Variants in EPHA4 observed in about 807,000 individuals in gnomAD.
EPHA4 encodes the protein EPH receptor A4.
EPHA4 carries 19 observed loss-of-function variants against 108.3 expected under a neutral mutation model. The observed-to-expected ratio is 0.18, with a 90% CI of 0.12 to 0.26. The LOEUF (loss-of-function observed/expected upper bound fraction) is 0.26, where lower values mean the gene tolerates loss of function less well. Among genes scored for constraint, EPHA4 ranks in the 10% least tolerant of loss-of-function variants. EPHA4 has a pLI of 1.00. For missense variants in EPHA4, 917 were observed against 1,254.0 expected (o/e 0.73, Z 4.06); for synonymous variants, 449 against 455.5 (o/e 0.99, Z 0.18).
In EPHA4 at chr2:221,571,326, C is replaced by CCCG. The variant is rs1264056450; in HGVS notation, c.91+829_91+831dup. Among the ~76,000 whole-genome samples the CCCG allele has an allele frequency of 1.3e-5, 2 of 151,806 alleles. No individual in the cohort carries two copies. Among genetic ancestry groups the CCCG allele is most frequent in the Non-Finnish European group, 2.9e-5 (2 of 67,962 alleles). On this transcript the variant is annotated intron_variant, in intron 1 of 17. Coordinates refer to ENST00000281821, the MANE Select transcript of EPHA4 (RefSeq NM_004438.5). The surrounding 1 kb of genome is among the most constrained non-coding windows in gnomAD (Gnocchi z 6.3). ...AACTAAATGATCACCGCCCCCCCGCCCCGCCCCACCTCCCGACACAGACAC... is the reference window on the plus strand; with the variant it reads ...AACTAAATGATCACCGCCCCCCCGCCCCGCCGCCCCACCTCCCGACACAGACAC...
At chr2:221,429,860 G>T (rs1690018992) in intron 15 of EPHA4, 98 bp downstream of exon 15, 4 of 1,333,724 alleles carry the variant, frequency 3.0e-6, no homozygotes, top group Admixed American at 2.0e-5. Flanking sequence ...GCCATGAAGT[G>T]GCCTCTGATG....
intron 3 of EPHA4, chr2:221,533,121 A>C (rs551704943): frequency 2.7e-4 from 41 of 152,348 alleles, no homozygotes; most frequent in African/African-American, 7.7e-4. Flanking sequence ...ATTGCCAGTT[A>C]CATTTCATCT....
At chr2:221,569,212 A>T (rs752273878) in intron 1 of EPHA4, among the ~76,000 whole-genome samples, 1 of 152,232 alleles carries the variant, frequency 6.6e-6, no homozygotes. Flanking sequence ...TGACAGAGCC[A>T]CAAGTGAATT....
intron 11 of EPHA4, among the ~76,000 whole-genome samples, chr2:221,438,025 C>G (rs944390401): frequency 6.6e-6 from 1 of 152,158 alleles, no homozygotes; most frequent in Non-Finnish European, 1.5e-5. Flanking sequence ...TATGAATAAA[C>G]TTGCTTTGGT....
At chr2:221,491,580 G>A (rs933125801) in intron 4 of EPHA4, among the ~76,000 whole-genome samples, 7 of 152,070 alleles carry the variant, frequency 4.6e-5, no homozygotes, top group Admixed American at 4.6e-4. Flanking sequence ...TGGATAGAAA[G>A]TTTCCAACTT....
At chr2:221,523,956 A>G (rs1465920995) in intron 3 of EPHA4, among the ~76,000 whole-genome samples, 1 of 152,182 alleles carries the variant, frequency 6.6e-6, no homozygotes, top group East Asian at 1.9e-4. Flanking sequence ...CTTTTGTTAA[A>G]TTGATGGAAA....
chr2:221,420,638 T>C (rs1330411430), intron 17 of EPHA4, 86 bp from the exon 18 acceptor site: 2 of 152,192 alleles, frequency 1.3e-5, no homozygotes, highest in Non-Finnish European at 2.9e-5. Flanking sequence ...AAAGAATATA[T>C]AGGTTCGTAG....
chr2:221,446,589 C>T (rs187972975), intron 8 of EPHA4, among the ~76,000 whole-genome samples: 2 of 152,012 alleles, frequency 1.3e-5, no homozygotes, highest in East Asian at 1.9e-4. Context: ...AATTAAATTT[C>T]CATGAGTAAT....
intron 5 of EPHA4, among the ~76,000 whole-genome samples, chr2:221,466,094 G>A (rs1426185802): frequency 6.6e-6 from 1 of 152,204 alleles, no homozygotes; most frequent in East Asian, 1.9e-4. Flanking sequence ...AGTGACAGAG[G>A]CCGCGTGGCT....
rs1183029391 is a variant in EPHA4, at chr2:221,566,998, A to AAGAAGAAGAAGAAGAAGAAGAAGAAGG, written c.159+1719_159+1720insCCTTCTTCTTCTTCTTCTTCTTCTTCT. The stretch of plus-strand genomic sequence containing the variant: ...GAAGAAGAAGAAGAAGAAGAAGAAG[A>AAGAAGAAGAAGAAGAAGAAGAAGAAGG]AGAAGAAGAAGAAAAAAATGTCTGC... On this transcript the variant is annotated intron_variant, in intron 2 of 17. Coordinates refer to ENST00000281821, the MANE Select transcript of EPHA4 (RefSeq NM_004438.5). Among the ~76,000 whole-genome samples, 155 of 140,436 alleles carry AAGAAGAAGAAGAAGAAGAAGAAGAAGG rather than the reference A, an allele frequency of 1.1e-3. 11 individuals are homozygous for AAGAAGAAGAAGAAGAAGAAGAAGAAGG. Among genetic ancestry groups the AAGAAGAAGAAGAAGAAGAAGAAGAAGG allele is most frequent in the Non-Finnish European group, 2.0e-3 (131 of 63,994 alleles). The allele number at this position is 140,436 out of a possible 152,430, so 92.1% of individuals were successfully genotyped here.
In EPHA4 at chr2:221,457,979, T is replaced by C; in HGVS notation, c.1330A>G (p.Ile444Val). The C allele has an allele frequency of 6.2e-7, 1 of 1,611,918 alleles. No individual in the cohort carries two copies. ...ACTTCTTTAGCCTGGACCAAAGCAA[T>C]GGATGATGGTGCTGTTAGAAAAAAA... ...VTTNQAAPSS[I>V]ALVQAKEVTR... Residue 444 changes from isoleucine (I) to valine (V), a missense_variant, in exon 6 of 18, where the codon ATT becomes GTT. Ile to Val is a conservative substitution (Grantham distance 29, BLOSUM62 3). Around this residue, in one of 3 missense-constraint regions of EPHA4, gnomAD observed 758 missense variants for 1,076.7 expected, o/e 0.70. Transcript: ENST00000281821.
rs1213576614 is a variant in EPHA4, at chr2:221,530,322, C to A, written c.824-29150G>T. On this transcript the variant is annotated intron_variant, in intron 3 of 17. Coordinates refer to ENST00000281821, the MANE Select transcript of EPHA4 (RefSeq NM_004438.5). Reference sequence around the variant, plus strand: ...ATTAAGGCAAAGAGACTGACTCATGCCACAGAACAGGAAGAGAAAGGATGT... The same window carrying A: ...ATTAAGGCAAAGAGACTGACTCATGACACAGAACAGGAAGAGAAAGGATGT... Among the ~76,000 whole-genome samples, 6 of 152,170 alleles carry A rather than the reference C, an allele frequency of 3.9e-5. No homozygotes were observed. The East Asian group carries it at 1.2e-3, about 29-fold the overall frequency.
chr2:221,481,113 G>A (rs753211032), intron 5 of EPHA4, among the ~76,000 whole-genome samples: 13 of 152,138 alleles, frequency 8.5e-5, no homozygotes, highest in Admixed American at 6.5e-5. Context: ...AAAACTCCTG[G>A]AGGGGTGGTA....
In EPHA4 at chr2:221,566,950, G is replaced by GAAGA. The variant is rs1694677712; in HGVS notation, c.159+1767_159+1768insTCTT. On this transcript the variant is annotated intron_variant, in intron 2 of 17. Coordinates refer to ENST00000281821, the MANE Select transcript of EPHA4 (RefSeq NM_004438.5). ...GGAGAAGGAGAAGGAGAAGGAGAAG[G>GAAGA]AGAAGGGGAAGAGGAAGAGGAAGAA... 9.8e-4 allele frequency among the ~76,000 whole-genome samples: 7 copies of GAAGA among 7,108 alleles called. 2 individuals are homozygous for GAAGA. Among genetic ancestry groups the GAAGA allele is most frequent in the Non-Finnish European group, 2.2e-3 (7 of 3,150 alleles). The allele number at this position is 7,108 out of a possible 152,430, so 4.7% of individuals were successfully genotyped here.
At chr2:221,552,529 G>A (rs866618097) in intron 3 of EPHA4, among the ~76,000 whole-genome samples, 11 of 152,194 alleles carry the variant, frequency 7.2e-5, no homozygotes, top group Non-Finnish European at 1.6e-4. Flanking sequence ...GGAAGAGTGC[G>A]AGGAGGGTAA....
chr2:221,446,412 G>T (rs777034200), intron 8 of EPHA4, among the ~76,000 whole-genome samples: 2 of 151,936 alleles, frequency 1.3e-5, no homozygotes, highest in Non-Finnish European at 2.9e-5. Flanking sequence ...TTAAACTGAG[G>T]TGTCTTACAA....
At chr2:221,561,704 T>C (rs1404323608) in intron 3 of EPHA4, among the ~76,000 whole-genome samples, 1 of 152,228 alleles carries the variant, frequency 6.6e-6, no homozygotes, top group Non-Finnish European at 1.5e-5. Context: ...CCACCATCTT[T>C]TTCTCTTTTC....
intron 4 of EPHA4, among the ~76,000 whole-genome samples, chr2:221,498,589 C>A (rs565546031): frequency 1.3e-5 from 2 of 151,850 alleles, no homozygotes; most frequent in African/African-American, 4.8e-5. Flanking sequence ...CAAAAACAAT[C>A]CTTGCCTATT....
At chr2:221,499,734 ATATATATATATATATATATATATTTT>A (rs1692417655) in intron 4 of EPHA4, among the ~76,000 whole-genome samples, 1 of 47,186 alleles carries the variant, frequency 2.1e-5, no homozygotes, top group Non-Finnish European at 3.8e-5. Context: ...ATATATATAT[ATATATATATATATATATATATATTTT>A]TTTTTTTTTT....
Sources: gnomAD v4.1 joint callset for allele counts (sites outside exome capture counted in the v4.1 genomes callset) on GRCh38, gnomAD v4.1.1 for gene constraint, gnomAD v4.1.1 regional missense constraint, Gnocchi (gnomAD v3.1) non-coding constraint, MANE v1.5 for transcripts, NCBI Gene and HGNC (gene_info 2026-07-23, HGNC 2026-07-21) for gene names.